FAM135B: variants seen among roughly 807,000 people sequenced by gnomAD.
FAM135B encodes family with sequence similarity 135 member B, also known as protein FAM135B.
A neutral mutation model predicts 127.7 loss-of-function variants in FAM135B; 43 were observed. The ratio of observed to expected loss-of-function variants is 0.34; its 90% CI spans 0.26 to 0.43. The LOEUF (loss-of-function observed/expected upper bound fraction) is 0.43, where lower values mean the gene tolerates loss of function less well. Ranked by LOEUF, FAM135B falls within the 20% of genes least tolerant of loss-of-function variation. The pLI is 1.00. For synonymous variants in FAM135B, 670 were observed against 665.1 expected, an observed-to-expected ratio of 1.01 and a Z score of -0.11; for missense variants, 1,558 against 1,725.6, an observed-to-expected ratio of 0.90 and a Z score of 1.72.
intron 12 of FAM135B, among the ~76,000 whole-genome samples, chr8:138,162,534 C>T (rs1220400066): frequency 2.6e-5 from 4 of 152,162 alleles, no homozygotes; most frequent in Admixed American, 6.5e-5. Context: ...ATGAAGAAGG[C>T]TATGCATGTG....
At position 138,132,155 on chromosome 8, in the gene FAM135B, G is replaced by C. The variant is rs1816266512; in HGVS notation, c.*438C>G. 5.7e-6 allele frequency: 1 copy of C among 176,676 alleles called. No individual in the cohort carries two copies. Among genetic ancestry groups the C allele is most frequent in the African/African-American group, 2.4e-5 (1 of 41,790 alleles). 10.9% of individuals were successfully genotyped at this position (176,676 alleles called of 1,614,324 possible). A position where few individuals can be genotyped will look rare whatever the true frequency, so the allele number is the denominator to read the frequency against. Reference sequence around the variant, plus strand: ...TCTATTTACACAAATATGTTCCACTGCTGCACAGAGATTAACCTGAGTTCT... The same window carrying C: ...TCTATTTACACAAATATGTTCCACTCCTGCACAGAGATTAACCTGAGTTCT... On this transcript the variant is annotated 3_prime_UTR_variant, in exon 20 of 20. Coordinates refer to ENST00000395297, the MANE Select transcript of FAM135B (RefSeq NM_015912.4). The surrounding 1 kb of genome is among the most constrained non-coding windows in gnomAD (Gnocchi z 4.5).
intron 2 of FAM135B, among the ~76,000 whole-genome samples, chr8:138,314,386 A>G (rs1315184341): frequency 6.6e-6 from 1 of 152,124 alleles, no homozygotes; most frequent in East Asian, 1.9e-4. Flanking sequence ...TGACTATCTG[A>G]CAAAGGACTA....
chr8:138,139,615 A>C (rs1458283954), intron 17 of FAM135B, among the ~76,000 whole-genome samples: 1 of 152,124 alleles, frequency 6.6e-6, no homozygotes, highest in Non-Finnish European at 1.5e-5. Flanking sequence ...TCTATTAAAA[A>C]ATTAGCCAGG....
chr8:138,455,314 T>C (rs767131596), intron 1 of FAM135B, among the ~76,000 whole-genome samples: 15 of 152,200 alleles, frequency 9.9e-5, no homozygotes, highest in Admixed American at 5.9e-4. Flanking sequence ...GGTTGCACAA[T>C]TGTCATAGAT....
At chr8:138,262,881 G>A (rs1466510188) in intron 4 of FAM135B, among the ~76,000 whole-genome samples, 4 of 128,028 alleles carry the variant, frequency 3.1e-5, no homozygotes, top group African/African-American at 1.2e-4. Context: ...CAGCCTGAGC[G>A]ACAGTGGGAG....
chr8:138,331,673 AG>A (rs1333907542), intron 2 of FAM135B, among the ~76,000 whole-genome samples: 2 of 152,236 alleles, frequency 1.3e-5, no homozygotes, highest in Non-Finnish European at 2.9e-5. Context: ...ACTGAAATAA[AG>A]TCTTTTCTCT....
At chr8:138,307,732 TAAAAAA>T (rs60272179) in intron 3 of FAM135B, among the ~76,000 whole-genome samples, 12 of 131,686 alleles carry the variant, frequency 9.1e-5, no homozygotes, top group Non-Finnish European at 9.6e-5. Flanking sequence ...CCCATTGTGG[TAAAAAA>T]AAAAAAAAAA....
chr8:138,234,111 A>G (rs1820098404), intron 7 of FAM135B, among the ~76,000 whole-genome samples: 2 of 152,224 alleles, frequency 1.3e-5, no homozygotes, highest in South Asian at 4.1e-4. Flanking sequence ...AGGATGGTGT[A>G]TAAGTAAGCA....
intron 12 of FAM135B, among the ~76,000 whole-genome samples, chr8:138,158,104 T>C (rs1168461937): frequency 2.0e-5 from 3 of 152,152 alleles, no homozygotes; most frequent in Non-Finnish European, 4.4e-5. Context: ...AACAGAGATA[T>C]AGACCAATGG....
intron 3 of FAM135B, among the ~76,000 whole-genome samples, chr8:138,309,408 G>T (rs1364130707): frequency 2.0e-5 from 3 of 152,162 alleles, no homozygotes; most frequent in Non-Finnish European, 4.4e-5. Flanking sequence ...GAACACCTTG[G>T]AAATACGGCA....
chr8:138,339,356 T>C (rs10087496), intron 2 of FAM135B, among the ~76,000 whole-genome samples: 78,485 of 116,694 alleles, frequency 0.67, 22,346 homozygotes, highest in Non-Finnish European at 0.73. Flanking sequence ...AAAAACTAAC[T>C]AAATATATAT....
At chr8:138,330,090 C>A (rs1463414900) in intron 2 of FAM135B, among the ~76,000 whole-genome samples, 1 of 152,146 alleles carries the variant, frequency 6.6e-6, no homozygotes, top group Non-Finnish European at 1.5e-5. Context: ...CCCTTCCCAC[C>A]CCAACTCACT....
intron 2 of FAM135B, among the ~76,000 whole-genome samples, chr8:138,335,594 C>T (rs542688916): frequency 2.2e-4 from 34 of 152,242 alleles, no homozygotes; most frequent in African/African-American, 8.2e-4. Context: ...CAGGAGCACC[C>T]AGATTCATAA....
chr8:138,256,288 T>C (rs1822084795), intron 5 of FAM135B, among the ~76,000 whole-genome samples: 2 of 152,188 alleles, frequency 1.3e-5, no homozygotes, highest in South Asian at 2.1e-4. Flanking sequence ...TAATAGCAGA[T>C]ATGTCGCACA....
intron 2 of FAM135B, among the ~76,000 whole-genome samples, chr8:138,360,386 A>G (rs1427269887): frequency 6.6e-6 from 1 of 152,232 alleles, no homozygotes; most frequent in Non-Finnish European, 1.5e-5. Context: ...AAAGTATTGC[A>G]TATGAAAATA....
chr8:138,191,358 G>A (rs1816107734), intron 9 of FAM135B, among the ~76,000 whole-genome samples: 1 of 152,238 alleles, frequency 6.6e-6, no homozygotes, highest in South Asian at 2.1e-4. Context: ...CATTGGATCA[G>A]TAAATGAACA....
intron 7 of FAM135B, among the ~76,000 whole-genome samples, chr8:138,216,870 G>A (rs964992240): frequency 2.0e-5 from 3 of 152,138 alleles, no homozygotes; most frequent in Admixed American, 6.5e-5. Flanking sequence ...TCTTATAAAA[G>A]GGGAAACGAG....
intron 11 of FAM135B, among the ~76,000 whole-genome samples, chr8:138,175,244 T>G (rs1349519122): frequency 2.6e-5 from 4 of 152,194 alleles, no homozygotes. Context: ...CCACATGGAC[T>G]GGTCCCTACT....
In FAM135B at chr8:138,301,044, C is replaced by T. The variant is rs546496613; in HGVS notation, c.157+9797G>A. On this transcript the variant is annotated intron_variant, in intron 3 of 19. Transcript: ENST00000395297. ...GGATTAAGGCATGAGCCACTGCACC[C>T]GGCCTTATTTTACTTTTAAATTTTG... Among the ~76,000 whole-genome samples the T allele has an allele frequency of 6.6e-5, 10 of 152,132 alleles. No homozygotes were observed. In the South Asian group the frequency reaches 1.0e-3, roughly 16 times the overall value.
Sources: gnomAD v4.1 joint callset for allele counts (sites outside exome capture counted in the v4.1 genomes callset) on GRCh38, gnomAD v4.1.1 for gene constraint, Gnocchi (gnomAD v3.1) non-coding constraint, MANE v1.5 for transcripts, NCBI Gene and HGNC (gene_info 2026-07-23, HGNC 2026-07-21) for gene names.